The following CEP164 variants were observed in gnomAD, a reference collection of about 807,000 sequenced individuals.
The protein encoded by CEP164 is centrosomal protein of 164 kDa.
A neutral mutation model predicts 182.7 loss-of-function variants in CEP164; 162 were observed. That is an observed-to-expected ratio of 0.89 (90% CI 0.78 to 1.01). The LOEUF is 1.01. CEP164 is among the 50% of genes least tolerant of loss of function. CEP164 has a pLI of 0.00. For synonymous variants in CEP164, 661 were observed against 690.0 expected (o/e 0.96, Z 0.66); for missense variants, 1,735 against 1,790.4 (o/e 0.97, Z 0.56).
rs1401452067 is a variant in CEP164 at position 117,370,886 on chromosome 11, G to T, written c.766-194G>T. 4.6e-5 allele frequency among the ~76,000 whole-genome samples: 7 copies of T among 152,188 alleles called. No homozygotes were observed. The East Asian group carries it at 1.4e-3, about 29-fold the overall frequency. On this transcript the variant is annotated intron_variant, in intron 8 of 32. Transcript: ENST00000278935. ...AGATCACACCACTGCACCCCAGCCT[G>T]GGCGACAGAGTAAGACTCTGTCTCA... is the stretch of plus-strand genomic sequence containing the variant.
At chr11:117,356,424 A>G in intron 5 of CEP164, 1 of 1,236,964 alleles carries the variant, frequency 8.1e-7, no homozygotes, top group Non-Finnish European at 1.0e-6. Flanking sequence ...ATGGAGAGGG[A>G]CTCGAGGTTT....
intron 27 of CEP164, among the ~76,000 whole-genome samples, chr11:117,397,601 A>G (rs931388421): frequency 2.0e-5 from 3 of 152,222 alleles, no homozygotes; most frequent in Admixed American, 1.3e-4. Context: ...ACAGTTCCAC[A>G]TGGCTGGGGA....
intron 27 of CEP164, among the ~76,000 whole-genome samples, chr11:117,399,375 G>T (rs1305510023): frequency 6.6e-6 from 1 of 152,112 alleles, no homozygotes; most frequent in Non-Finnish European, 1.5e-5. Flanking sequence ...TCTTTATCCA[G>T]TCTATCATTG....
chr11:117,339,531 T>C (rs949621248), intron 3 of CEP164, among the ~76,000 whole-genome samples: 3 of 128,466 alleles, frequency 2.3e-5, no homozygotes, highest in African/African-American at 8.8e-5. Flanking sequence ...TGTTTTTTTT[T>C]TTTTTTTTTT....
At chr11:117,391,882 C>T (rs542821) in intron 17 of CEP164, among the ~76,000 whole-genome samples, 24,560 of 152,090 alleles carry the variant, frequency 0.16, 2,789 homozygotes, top group African/African-American at 0.3. Flanking sequence ...CTACATGGCC[C>T]GACTTAATGA....
intron 27 of CEP164, among the ~76,000 whole-genome samples, chr11:117,398,241 A>G (rs2045719728): frequency 6.6e-6 from 1 of 152,246 alleles, no homozygotes; most frequent in South Asian, 2.1e-4. Context: ...CGCTGATGCA[A>G]GAGGTAGGTT....
At chr11:117,336,234 AGAG>A (rs2037092151) in intron 2 of CEP164, 2 of 1,593,978 alleles carry the variant, frequency 1.3e-6, no homozygotes, top group South Asian at 1.1e-5. Context: ...AGGAGGAGAA[AGAG>A]GAGGAGGAAT....
intron 27 of CEP164, among the ~76,000 whole-genome samples, chr11:117,399,873 A>G (rs1269247805): frequency 6.6e-6 from 1 of 152,032 alleles, no homozygotes; most frequent in Non-Finnish European, 1.5e-5. Context: ...TTCTTTGTAG[A>G]TTCTGGATAT....
In CEP164 at chr11:117,382,695, C is replaced by T. The variant is rs866548607; in HGVS notation, c.1578-101C>T. On this transcript the variant is annotated intron_variant, in intron 13 of 32. Coordinates refer to ENST00000278935, the MANE Select transcript of CEP164 (RefSeq NM_014956.5). ...AGGTAGGGAAATTGTTGGGCTGTCT[C>T]TCTTGTCTCTGTCATAGCTCTTTGA... is the stretch of plus-strand genomic sequence containing the variant. 6 of 1,403,856 alleles carry T rather than the reference C, an allele frequency of 4.3e-6. No homozygotes were observed. In the Middle Eastern group the frequency reaches 9.4e-4, roughly 219 times the overall value. 87.0% of individuals were successfully genotyped at this position (1,403,856 alleles called of 1,614,324 possible). A position where few individuals can be genotyped will look rare whatever the true frequency, so the allele number is the denominator to read the frequency against.
intron 27 of CEP164, among the ~76,000 whole-genome samples, chr11:117,397,741 G>A (rs554458456): frequency 7.9e-5 from 12 of 152,160 alleles, no homozygotes; most frequent in African/African-American, 2.6e-4. Flanking sequence ...TCACTATCAC[G>A]AGAACAGTAT....
chr11:117,387,560 TTA>T, intron 15 of CEP164, 148 bp downstream of exon 15: 1 of 702,296 alleles, frequency 1.4e-6, no homozygotes, highest in South Asian at 1.9e-5. Context: ...CAATTTCTGC[TTA>T]TATCTCATTG....
intron 24 of CEP164, 56 bp from the exon 25 acceptor site, chr11:117,395,998 C>T (rs895281910): frequency 8.7e-6 from 14 of 1,608,256 alleles, no homozygotes; most frequent in African/African-American, 1.3e-5. Context: ...CCCACTTCAC[C>T]CCTCCCCCCC....
intron 4 of CEP164, among the ~76,000 whole-genome samples, chr11:117,344,612 C>T (rs1340240183): frequency 6.6e-6 from 1 of 152,142 alleles, no homozygotes; most frequent in African/African-American, 2.4e-5. Flanking sequence ...GACAACTTTA[C>T]CTCCTTAGCA....
In CEP164 at chr11:117,390,926, T is replaced by C. The variant is rs372326673; in HGVS notation, c.2066+18T>C. The C allele has an allele frequency of 6.2e-7, 1 of 1,613,852 alleles. No homozygotes were observed. The highest frequency in any genetic ancestry group is 2.2e-5 in the East Asian group (1 of 44,800). On this transcript the variant is annotated intron_variant, in intron 16 of 32. Coordinates refer to ENST00000278935, the MANE Select transcript of CEP164 (RefSeq NM_014956.5). ...CAAATCAGGTAAGTGTGTGCTTACC[T>C]GTGAGCTGCCCAGCCCTGCGGAGGC...
At chr11:117,383,064 G>C in intron 14 of CEP164, 122 bp downstream of exon 14, 1 of 1,131,248 alleles carries the variant, frequency 8.8e-7, no homozygotes, top group Non-Finnish European at 1.2e-6. Flanking sequence ...AGAGTGTAGG[G>C]AGATTAAGCA....
At chr11:117,356,421 G>A (rs1178414851) in intron 5 of CEP164, 3 of 1,232,588 alleles carry the variant, frequency 2.4e-6, no homozygotes, top group South Asian at 2.8e-5. Flanking sequence ...GTCATGGAGA[G>A]GGACTCGAGG....
intron 17 of CEP164, among the ~76,000 whole-genome samples, chr11:117,391,587 G>A (rs1466616814): frequency 6.6e-6 from 1 of 152,096 alleles, no homozygotes; most frequent in Non-Finnish European, 1.5e-5. Context: ...CAGACCAGAG[G>A]TTTTGAGACA....
chr11:117,348,444 TAG>T (rs2039233130), intron 4 of CEP164, among the ~76,000 whole-genome samples: 1 of 152,240 alleles, frequency 6.6e-6, no homozygotes, highest in African/African-American at 2.4e-5. Context: ...TTTTGTCTAG[TAG>T]ACTGCTTATC....
intron 4 of CEP164, 59 bp downstream of exon 4, chr11:117,344,336 T>C: frequency 8.5e-7 from 1 of 1,181,504 alleles, no homozygotes; most frequent in Non-Finnish European, 1.2e-6. Flanking sequence ...GGGAAGCTAA[T>C]ACTGGAGATC....
Sources: gnomAD v4.1 joint callset for allele counts (sites outside exome capture counted in the v4.1 genomes callset) on GRCh38, gnomAD v4.1.1 for gene constraint, MANE v1.5 for transcripts, NCBI Gene and HGNC (gene_info 2026-07-23, HGNC 2026-07-21) for gene names.